Variants in DST observed in about 807,000 individuals in gnomAD.
The protein encoded by DST is bullous pemphigoid antigen.
In DST, 253 loss-of-function variants were observed where a neutral mutation model predicts 875.2. The observed-to-expected ratio is 0.29, with a 90% CI of 0.26 to 0.32. The LOEUF is 0.32. DST is among the 10% of genes least tolerant of loss of function. DST has a pLI of 1.00. For synonymous variants in DST, 3,124 were observed against 3,197.1 expected (o/e 0.98, Z 0.77); for missense variants, 8,287 against 9,111.6 (o/e 0.91, Z 3.68).
intron 87 of DST, among the ~76,000 whole-genome samples, chr6:56,486,895 T>C (rs531806422): frequency 1.3e-5 from 2 of 152,150 alleles, no homozygotes; most frequent in Non-Finnish European, 2.9e-5. Flanking sequence ...GACAATGATA[T>C]CACTTTTTAT....
At chr6:56,780,581 T>C (rs2152990553) in intron 4 of DST, among the ~76,000 whole-genome samples, 1 of 152,312 alleles carries the variant, frequency 6.6e-6, no homozygotes, top group Admixed American at 6.5e-5. Context: ...TTGTCTGTTT[T>C]TTTCCTGTAA....
chr6:56,619,550 G>T, intron 36 of DST: 1 of 1,613,732 alleles, frequency 6.2e-7, no homozygotes, highest in Non-Finnish European at 8.5e-7. Context: ...CTCAGCTACA[G>T]CATGTGCCCT....
intron 36 of DST, chr6:56,617,235 G>C: frequency 6.2e-7 from 1 of 1,606,822 alleles, no homozygotes; most frequent in Non-Finnish European, 8.5e-7. Flanking sequence ...GAACATGCAT[G>C]ATCACCATCA....
chr6:56,908,287 G>A (rs147526971), intron 2 of DST, among the ~76,000 whole-genome samples: 75 of 152,166 alleles, frequency 4.9e-4, no homozygotes, highest in African/African-American at 1.7e-3. Flanking sequence ...AAAGTGTATC[G>A]TAGAAGCTCT....
At chr6:56,824,627 G>T (rs1270562054) in intron 4 of DST, among the ~76,000 whole-genome samples, 1 of 151,920 alleles carries the variant, frequency 6.6e-6, no homozygotes, top group African/African-American at 2.4e-5. Flanking sequence ...TGCCCCGTCT[G>T]GGATGTGAGG....
chr6:56,649,135 A>G (rs2098960407), intron 12 of DST, among the ~76,000 whole-genome samples: 2 of 152,208 alleles, frequency 1.3e-5, no homozygotes, highest in South Asian at 4.1e-4. Flanking sequence ...CTTACCCAAT[A>G]TATAGGAAAC....
chr6:56,479,351 T>C (rs1317676046), intron 90 of DST, among the ~76,000 whole-genome samples: 1 of 152,144 alleles, frequency 6.6e-6, no homozygotes, highest in African/African-American at 2.4e-5. Flanking sequence ...TCGATGCCTA[T>C]GAAAAACAGT....
intron 10 of DST, among the ~76,000 whole-genome samples, chr6:56,652,528 G>A (rs2098982393): frequency 6.6e-6 from 1 of 152,194 alleles, no homozygotes; most frequent in South Asian, 2.1e-4. Flanking sequence ...AAGGTAGTGT[G>A]GGAGAAATGA....
At chr6:56,709,530 A>G (rs984301703) in intron 5 of DST, among the ~76,000 whole-genome samples, 2 of 152,336 alleles carry the variant, frequency 1.3e-5, no homozygotes, top group African/African-American at 4.8e-5. Context: ...AAAGTCTGAC[A>G]TTATAGTGGT....
chr6:56,470,346 G>T, intron 95 of DST, 64 bp from the exon 96 acceptor site: 1 of 1,343,842 alleles, frequency 7.4e-7, no homozygotes, highest in Non-Finnish European at 1.0e-6. Flanking sequence ...ATTCTCAATT[G>T]CACATTTCAA....
chr6:56,551,954 C>G (rs1309575274), intron 61 of DST, among the ~76,000 whole-genome samples: 1 of 152,144 alleles, frequency 6.6e-6, no homozygotes, highest in Non-Finnish European at 1.5e-5. Context: ...TTGCCAAGCA[C>G]CCTTTGGTCT....
chr6:56,902,941 TTCTCTC>T (rs139723497), intron 2 of DST, among the ~76,000 whole-genome samples: 2 of 130,138 alleles, frequency 1.5e-5, no homozygotes, highest in Admixed American at 8.0e-5. Context: ...CACACATTCA[TTCTCTC>T]TCTCTCTCTC....
intron 9 of DST, among the ~76,000 whole-genome samples, chr6:56,693,782 T>C (rs1308685067): frequency 2.6e-5 from 4 of 151,960 alleles, no homozygotes; most frequent in African/African-American, 7.2e-5. Flanking sequence ...AAGACTCTTA[T>C]TCAAAACAAG....
chr6:56,627,324 G>A, intron 33 of DST, 37 bp from the exon 34 acceptor site: 2 of 1,433,860 alleles, frequency 1.4e-6, no homozygotes, highest in South Asian at 1.1e-5. Context: ...AAATGACAAG[G>A]AATTCAGCTA....
intron 2 of DST, among the ~76,000 whole-genome samples, chr6:56,925,107 T>A (rs1018972186): frequency 2.6e-5 from 4 of 152,142 alleles, no homozygotes; most frequent in African/African-American, 9.7e-5. Flanking sequence ...AAAATCCATA[T>A]CACAAATGCT....
chr6:56,501,635 G>A lies in DST; in HGVS notation c.19625C>T (p.Ala6542Val). The A allele has an allele frequency of 6.2e-7, 1 of 1,609,112 alleles. No homozygotes were observed. Among genetic ancestry groups the A allele is most frequent in the Non-Finnish European group, 8.5e-7 (1 of 1,177,924 alleles). Residue 6542 changes from alanine (A) to valine (V), a missense_variant, in exon 79 of 104, where the codon GCA becomes GTA. Coordinates refer to ENST00000680361, the MANE Select transcript of DST (RefSeq NM_001374736.1). Reference sequence around the variant, plus strand: ...TGTTACTTTCTTTAGCAAAAGCTCTGCTTGATGATTCAGTCTTTCCATTTC... The same window carrying A: ...TGTTACTTTCTTTAGCAAAAGCTCTACTTGATGATTCAGTCTTTCCATTTC... ...QIEMERLNHQAELLLKKVTEE... is the reference protein window; with the variant it reads ...QIEMERLNHQVELLLKKVTEE...
intron 1 of DST, 131 bp from the exon 2 acceptor site, chr6:56,953,950 C>T (rs1823806963): frequency 4.1e-6 from 2 of 485,208 alleles, no homozygotes; most frequent in Admixed American, 3.2e-5. Context: ...GTGGGACATC[C>T]TGGGGGAGGG....
At chr6:56,546,355 T>TATATATATATATTTC (rs2097222037) in intron 61 of DST, among the ~76,000 whole-genome samples, 1 of 51,572 alleles carries the variant, frequency 1.9e-5, no homozygotes, top group African/African-American at 1.0e-4. Context: ...TTCATATATA[T>TATATATATATATTTC]ATATATATAT....
chr6:56,904,456 G>A (rs188437133), intron 2 of DST, among the ~76,000 whole-genome samples: 1 of 152,256 alleles, frequency 6.6e-6, no homozygotes, highest in East Asian at 1.9e-4. Flanking sequence ...GAGTAATGGG[G>A]TGTTTAAATG....
Sources: allele counts gnomAD v4.1 joint callset (sites outside exome capture counted in the v4.1 genomes callset), GRCh38; gene constraint gnomAD v4.1.1; transcripts MANE v1.5; gene names NCBI Gene and HGNC (gene_info 2026-07-23, HGNC 2026-07-21).